ADAR: variants seen among roughly 807,000 people sequenced by gnomAD.
ADAR encodes double-stranded RNA-specific adenosine deaminase.
Under a neutral mutation model 113.2 loss-of-function variants are expected in ADAR, and 41 were observed. The ratio of observed to expected loss-of-function variants is 0.36; its 90% CI spans 0.28 to 0.47. ADAR has a LOEUF of 0.47. ADAR is among the 20% of genes least tolerant of loss of function. The pLI is 1.00. For synonymous variants in ADAR, 605 were observed against 572.6 expected, an observed-to-expected ratio of 1.06 and a Z score of -0.81; for missense variants, 1,242 against 1,540.9, an observed-to-expected ratio of 0.81 and a Z score of 3.25.
rs1185518625 is a variant in ADAR, at chr1:154,585,835, C to T, written c.3233G>A (p.Arg1078His). 5.0e-6 allele frequency: 8 copies of T among 1,614,050 alleles called. No homozygotes were observed. The highest frequency in any genetic ancestry group is 6.8e-6 in the Non-Finnish European group (8 of 1,179,954). The part of the protein sequence containing the change: ...GYLFSQGHLT[R>H]AICCRVTRDG... ...TCTTGTCACACGACAGCAAATAGCA[C>T]GGGTCAGATGCCCTTGGCTGAAAAG... The change falls in exon 13 of 15, where the codon CGT becomes CAT. Residue 1078 changes from arginine to histidine, a missense_variant. This residue lies in a region of ADAR where 780 missense variants were observed against 1,057.9 expected (regional missense o/e 0.74). Coordinates refer to ENST00000368474, the MANE Select transcript of ADAR (RefSeq NM_001111.5).
At chr1:154,590,940 C>G (rs1464364348) in intron 6 of ADAR, among the ~76,000 whole-genome samples, 2 of 152,028 alleles carry the variant, frequency 1.3e-5, no homozygotes, top group Non-Finnish European at 2.9e-5. Context: ...CGCGAGACAG[C>G]AAGATCCCCA....
intron 9 of ADAR, among the ~76,000 whole-genome samples, chr1:154,589,001 G>C (rs1239195847): frequency 6.6e-6 from 1 of 152,212 alleles, no homozygotes; most frequent in Non-Finnish European, 1.5e-5. Flanking sequence ...TGAGCTAGAG[G>C]AGAAAGCTGG....
At chr1:154,603,538 G>T (rs999790308) in intron 1 of ADAR, among the ~76,000 whole-genome samples, 9 of 152,188 alleles carry the variant, frequency 5.9e-5, no homozygotes, top group Admixed American at 2.0e-4. Flanking sequence ...TGCTTCCACT[G>T]CACGTTCTTC....
chr1:154,599,175 C>A (rs1697706375), intron 2 of ADAR, among the ~76,000 whole-genome samples: 1 of 152,104 alleles, frequency 6.6e-6, no homozygotes, highest in Admixed American at 6.5e-5. Flanking sequence ...AAGGAATTTC[C>A]CCTTGTTATG....
chr1:154,591,910 T>C (rs1245181432), intron 6 of ADAR, among the ~76,000 whole-genome samples: 1 of 152,164 alleles, frequency 6.6e-6, no homozygotes, highest in East Asian at 1.9e-4. Flanking sequence ...GAAAAGAAGA[T>C]GGTGAAGGCG....
At chr1:154,624,313 A>T (rs1267067985) in intron 1 of ADAR, among the ~76,000 whole-genome samples, 3 of 152,198 alleles carry the variant, frequency 2.0e-5, no homozygotes, top group East Asian at 1.9e-4. Context: ...AAGGAAAGGG[A>T]GGCTGATGTC....
chr1:154,625,572 C>T lies in ADAR; in HGVS notation c.-871+2283G>A, dbSNP rs182734886. Among the ~76,000 whole-genome samples, 501 of 152,290 alleles carry T rather than the reference C, an allele frequency of 3.3e-3. 1 individual carries two copies. Among genetic ancestry groups the T allele is most frequent in the African/African-American group, 0.011 (461 of 41,578 alleles). On this transcript the variant is annotated intron_variant, in intron 1 of 14. Coordinates refer to the ADAR transcript ENST00000368471. ...GTACATAGCAAGTGCTAAAGAGAAG[C>T]GAAAGGCCTGGCGCGGTGGCTCATG...
chr1:154,596,331 C>T (rs1697491819), intron 6 of ADAR, among the ~76,000 whole-genome samples: 1 of 139,114 alleles, frequency 7.2e-6, no homozygotes, highest in Non-Finnish European at 1.6e-5. Flanking sequence ...CAACCTCCGC[C>T]TCCCAGCTTC....
chr1:154,597,755 A>AG, intron 4 of ADAR, 73 bp downstream of exon 4: 1 of 1,590,186 alleles, frequency 6.3e-7, no homozygotes, highest in Non-Finnish European at 8.6e-7. Flanking sequence ...ATCCCTGAGG[A>AG]GGCAAGGAAG....
chr1:154,590,080 A>G lies in ADAR; in HGVS notation c.2496+104T>C, dbSNP rs1697028553. 4 of 1,488,836 alleles carry G rather than the reference A, an allele frequency of 2.7e-6. No homozygotes were observed. The Admixed American group carries it at 6.9e-5, about 26-fold the overall frequency. The allele number at this position is 1,488,836 out of a possible 1,614,324, so 92.2% of individuals were successfully genotyped here. A position where few individuals can be genotyped will look rare whatever the true frequency, so the allele number is the denominator to read the frequency against. On this transcript the variant is annotated intron_variant, in intron 7 of 14. Coordinates refer to ENST00000368474, the MANE Select transcript of ADAR (RefSeq NM_001111.5). ...CAGTTACTGCTCTCTCGAGGCTAAG[A>G]GTAAAGCCTAGGAATAACTCGCATG...
At chr1:154,595,748 G>A (rs1168360703) in intron 6 of ADAR, among the ~76,000 whole-genome samples, 1 of 152,162 alleles carries the variant, frequency 6.6e-6, no homozygotes, top group Non-Finnish European at 1.5e-5. Context: ...TAGCCTAAGT[G>A]AACAGTGTTT....
rs1268658689 is a variant in ADAR at position 154,598,569 on chromosome 1, C to T, written c.1618G>A (p.Val540Ile). ...GGGGGAAACTCTCGGCCATTGATGACAACCTGGAATTTAAATCTTGACGGA... is the reference window on the plus strand; with the variant it reads ...GGGGGAAACTCTCGGCCATTGATGATAACCTGGAATTTAAATCTTGACGGA... ...PHEPRFKFQV[V>I]INGREFPPAE... The change falls in exon 3 of 15, where the codon GTC (valine) becomes ATC (isoleucine). Residue 540 changes from valine (V) to isoleucine (I), a missense_variant. Around this residue, in one of 2 missense-constraint regions of ADAR, gnomAD observed 780 missense variants for 1,057.9 expected, o/e 0.74. Transcript: ENST00000368474. 1 of 1,614,216 alleles carries T rather than the reference C, an allele frequency of 6.2e-7. No homozygotes were observed. The highest frequency in any genetic ancestry group is 1.1e-5 in the South Asian group (1 of 91,082).
upstream of ADAR, among the ~76,000 whole-genome samples, chr1:154,609,456 G>A (rs1327989639): frequency 6.6e-6 from 1 of 152,162 alleles, no homozygotes; most frequent in African/African-American, 2.4e-5. Flanking sequence ...CCCTTTCATG[G>A]TGTTAGTCAC....
chr1:154,600,343 T>A (rs2101634317), intron 2 of ADAR: 1 of 152,560 alleles, frequency 6.6e-6, no homozygotes, highest in African/African-American at 2.4e-5. Context: ...GTATTTTTAG[T>A]AGAGATGGGG....
In ADAR at chr1:154,590,247, T is replaced by G; in HGVS notation, c.2433A>C (p.Thr811=). 2 of 1,606,208 alleles carry G rather than the reference T, an allele frequency of 1.2e-6. No homozygotes were observed. Among genetic ancestry groups the G allele is most frequent in the African/African-American group, 1.3e-5 (1 of 74,314 alleles). ...RMGFTEVTPV[T]GASLRRTMLL... ...GCATAGTTCTTCTGAGACTGGCCCC[T>G]GTCACTGGGGTTACCTCTGTGAAAC... Residue 811 remains threonine (T), a synonymous_variant, in exon 7 of 15, where the codon ACA becomes ACC. Coordinates refer to ENST00000368474, the MANE Select transcript of ADAR (RefSeq NM_001111.5).
intron 7 of ADAR, 32 bp from the exon 8 acceptor site, chr1:154,589,960 A>G (rs1697019068): frequency 2.5e-6 from 4 of 1,612,828 alleles, no homozygotes; most frequent in Middle Eastern, 1.7e-4. Flanking sequence ...TCAGCACCAC[A>G]AAGCTGAGGC....
At chr1:154,622,336 G>T (rs1698810933) in intron 1 of ADAR, among the ~76,000 whole-genome samples, 1 of 152,200 alleles carries the variant, frequency 6.6e-6, no homozygotes, top group African/African-American at 2.4e-5. Context: ...TGGAGGGCAA[G>T]ATGGACTAGA....
rs1698322940 is a variant in ADAR at position 154,608,089 on chromosome 1, C to G, written c.-83G>C. On this transcript the variant is annotated 5_prime_UTR_variant, in exon 1 of 15. Coordinates refer to ENST00000368474, the MANE Select transcript of ADAR (RefSeq NM_001111.5). ...GCTGGGCCGCGCCAGCCCCTCGAGG[C>G]CCCCACGCCTCCGCTACTCCGCACT... 6.8e-7 allele frequency: 1 copy of G among 1,460,360 alleles called. No homozygotes were observed. Among genetic ancestry groups the G allele is most frequent in the Non-Finnish European group, 9.0e-7 (1 of 1,106,672 alleles). The allele number at this position is 1,460,360 out of a possible 1,614,324, so 90.5% of individuals were successfully genotyped here.
chr1:154,623,097 G>C (rs1446515815), intron 1 of ADAR, among the ~76,000 whole-genome samples: 1 of 152,220 alleles, frequency 6.6e-6, no homozygotes, highest in Admixed American at 6.5e-5. Context: ...TCTCCGTCTA[G>C]TGGAGACATG....
Sources: allele counts gnomAD v4.1 joint callset (sites outside exome capture counted in the v4.1 genomes callset), GRCh38; gene constraint gnomAD v4.1.1; regional missense constraint gnomAD v4.1.1; transcripts MANE v1.5; gene names NCBI Gene and HGNC (gene_info 2026-07-23, HGNC 2026-07-21).